The following TBC1D22A variants were observed in gnomAD, a reference collection of about 807,000 sequenced individuals.
The protein encoded by TBC1D22A is putative GTPase activator.
A neutral mutation model predicts 60.2 loss-of-function variants in TBC1D22A; 38 were observed. The observed-to-expected ratio is 0.63, with a 90% CI of 0.49 to 0.83. The LOEUF is 0.83. TBC1D22A is among the 40% of genes least tolerant of loss of function. The pLI is 0.00. For missense variants in TBC1D22A, 628 were observed against 701.0 expected, an observed-to-expected ratio of 0.90 and a Z score of 1.18; for synonymous variants, 302 against 281.7, an observed-to-expected ratio of 1.07 and a Z score of -0.72.
At chr22:46,854,692 C>G (rs1055611157) in intron 4 of TBC1D22A, among the ~76,000 whole-genome samples, 6 of 152,196 alleles carry the variant, frequency 3.9e-5, no homozygotes, top group African/African-American at 7.2e-5. Context: ...CCCTCTTCCC[C>G]CTGCGATGCA....
intron 12 of TBC1D22A, among the ~76,000 whole-genome samples, chr22:47,162,983 C>T (rs1051995027): frequency 2.0e-5 from 3 of 152,270 alleles, no homozygotes; most frequent in African/African-American, 7.2e-5. Flanking sequence ...GCGAACCCCA[C>T]CTCAGGTGGG....
chr22:46,973,691 A>G (rs1358456572), intron 8 of TBC1D22A, among the ~76,000 whole-genome samples: 6 of 152,234 alleles, frequency 3.9e-5, no homozygotes, highest in African/African-American at 9.6e-5. Context: ...TCAATTAGGC[A>G]TCTGTTTTGC....
At chr22:47,020,864 T>C (rs2062062952) in intron 10 of TBC1D22A, among the ~76,000 whole-genome samples, 1 of 146,794 alleles carries the variant, frequency 6.8e-6, no homozygotes. Flanking sequence ...GATTATATAA[T>C]AATCCTGTAA....
intron 4 of TBC1D22A, among the ~76,000 whole-genome samples, chr22:46,816,288 G>A (rs563882414): frequency 2.3e-4 from 35 of 152,304 alleles, no homozygotes; most frequent in African/African-American, 7.5e-4. Flanking sequence ...TCACAGGGGC[G>A]GGATTGGGCT....
At chr22:46,898,393 G>T (rs1265192015) in intron 7 of TBC1D22A, among the ~76,000 whole-genome samples, 2 of 152,210 alleles carry the variant, frequency 1.3e-5, no homozygotes, top group Non-Finnish European at 2.9e-5. Context: ...TGGGAGACAG[G>T]TCTATGTCTT....
chr22:46,793,894 G>A lies in TBC1D22A; in HGVS notation c.460+53G>A. On this transcript the variant is annotated intron_variant, in intron 3 of 12. Coordinates refer to ENST00000337137, the MANE Select transcript of TBC1D22A (RefSeq NM_014346.5). ...CTGGGTTTCTGGCCAAGCTAAGAAA[G>A]TGGCCAGAACACACTCACTGTGGGA... 5 of 1,464,776 alleles carry A rather than the reference G, an allele frequency of 3.4e-6. No individual in the cohort carries two copies. In the South Asian group the frequency reaches 6.9e-5, roughly 20 times the overall value. 90.7% of individuals were successfully genotyped at this position (1,464,776 alleles called of 1,614,324 possible).
At chr22:46,900,610 T>G (rs1217696018) in intron 7 of TBC1D22A, among the ~76,000 whole-genome samples, 1 of 152,210 alleles carries the variant, frequency 6.6e-6, no homozygotes, top group Non-Finnish European at 1.5e-5. Flanking sequence ...GTTCTGCCCT[T>G]TTGTAGAATT....
intron 11 of TBC1D22A, among the ~76,000 whole-genome samples, chr22:47,090,277 T>C (rs987452105): frequency 6.6e-6 from 1 of 152,158 alleles, no homozygotes; most frequent in Non-Finnish European, 1.5e-5. Context: ...CACACTGAGC[T>C]GGGCAGGAAT....
In TBC1D22A at chr22:47,142,087, A is replaced by G. The variant is rs183558762; in HGVS notation, c.1425+30484A>G. 5.9e-3 allele frequency among the ~76,000 whole-genome samples: 894 copies of G among 152,250 alleles called. 7 individuals carry two copies. Among genetic ancestry groups the G allele is most frequent in the African/African-American group, 0.02 (848 of 41,540 alleles). On this transcript the variant is annotated intron_variant, in intron 12 of 12. Transcript: ENST00000337137. Reference sequence around the variant, plus strand: ...GCCCCTGTGGCTCTTTGCCAAGGTCAGCTCCTCATAGGACTAGCTCCCTCC... The same window carrying G: ...GCCCCTGTGGCTCTTTGCCAAGGTCGGCTCCTCATAGGACTAGCTCCCTCC...
At chr22:47,019,088 A>G (rs1256434345) in intron 10 of TBC1D22A, among the ~76,000 whole-genome samples, 2 of 151,860 alleles carry the variant, frequency 1.3e-5, no homozygotes, top group East Asian at 1.9e-4. Context: ...GCCCCTCTTC[A>G]CTCCCGCGCC....
intron 1 of TBC1D22A, among the ~76,000 whole-genome samples, chr22:46,787,254 TC>T: frequency 6.6e-6 from 1 of 152,220 alleles, no homozygotes; most frequent in Admixed American, 6.5e-5. Context: ...TCAATTTTAT[TC>T]ATCTACTCAG....
intron 8 of TBC1D22A, among the ~76,000 whole-genome samples, chr22:46,917,387 G>A (rs1401633526): frequency 2.0e-5 from 3 of 152,200 alleles, no homozygotes; most frequent in Admixed American, 6.5e-5. Context: ...GACTGGGCCT[G>A]AGAGGAGGGC....
intron 10 of TBC1D22A, among the ~76,000 whole-genome samples, chr22:47,008,647 G>A (rs1007857854): frequency 8.5e-5 from 13 of 152,256 alleles, no homozygotes; most frequent in African/African-American, 3.1e-4. Flanking sequence ...TGCAGCAAGG[G>A]GCAAGGCTGC....
chr22:47,053,520 G>A (rs1208922693), intron 11 of TBC1D22A, among the ~76,000 whole-genome samples: 2 of 152,248 alleles, frequency 1.3e-5, no homozygotes, highest in Non-Finnish European at 2.9e-5. Context: ...GAGATGGAGG[G>A]CGCTTCTCTC....
intron 11 of TBC1D22A, among the ~76,000 whole-genome samples, chr22:47,038,135 C>T (rs1603112056): frequency 6.6e-6 from 1 of 152,158 alleles, no homozygotes; most frequent in African/African-American, 2.4e-5. Flanking sequence ...CTTTCATCAT[C>T]AGTTACAAAT....
intron 8 of TBC1D22A, among the ~76,000 whole-genome samples, chr22:46,917,436 A>G (rs1039459430): frequency 5.3e-5 from 8 of 152,154 alleles, no homozygotes; most frequent in Admixed American, 2.0e-4. Context: ...TGAGGGCACC[A>G]AGGTGGCTTG....
intron 4 of TBC1D22A, among the ~76,000 whole-genome samples, chr22:46,817,690 A>G (rs887329093): frequency 3.3e-5 from 5 of 152,164 alleles, no homozygotes; most frequent in Non-Finnish European, 5.9e-5. Flanking sequence ...TGTCTTTGCT[A>G]TTGTAAATAG....
At chr22:46,842,533 C>T (rs1484465734) in intron 4 of TBC1D22A, among the ~76,000 whole-genome samples, 4 of 152,290 alleles carry the variant, frequency 2.6e-5, no homozygotes, top group South Asian at 2.1e-4. Context: ...CAGTTCTCCC[C>T]GTAAACACTT....
In TBC1D22A at chr22:47,108,123, T is replaced by C. The variant is rs146147697; in HGVS notation, c.1330-3385T>C. Among the ~76,000 whole-genome samples the C allele has an allele frequency of 6.9e-4, 105 of 152,314 alleles. 2 individuals carry two copies. In the South Asian group the frequency reaches 0.018, roughly 26 times the overall value. ...TGCAAAGCATGTATTTGATAAAAGG[T>C]TTATATCAAAACTAGTGGCAGTTTT... is the stretch of plus-strand genomic sequence containing the variant. On this transcript the variant is annotated intron_variant, in intron 11 of 12. Transcript: ENST00000337137.
Sources: allele counts gnomAD v4.1 joint callset (sites outside exome capture counted in the v4.1 genomes callset), GRCh38; gene constraint gnomAD v4.1.1; transcripts MANE v1.5; gene names NCBI Gene and HGNC (gene_info 2026-07-23, HGNC 2026-07-21).